Variants in MEGF11 observed in about 807,000 individuals in gnomAD.
MEGF11 encodes multiple EGF like domains 11, also known as multiple epidermal growth factor-like domains protein 11.
MEGF11 carries 126 observed loss-of-function variants against 146.6 expected under a neutral mutation model. That is an observed-to-expected ratio of 0.86 (90% CI 0.74 to 1.00). The LOEUF is 1.00. Ranked by LOEUF, MEGF11 falls within the 50% of genes least tolerant of loss-of-function variation. MEGF11 has a pLI of 0.00. For missense variants in MEGF11, 1,509 were observed against 1,521.2 expected, an observed-to-expected ratio of 0.99 and a Z score of 0.13; for synonymous variants, 532 against 583.4, an observed-to-expected ratio of 0.91 and a Z score of 1.27.
At chr15:65,905,814 T>A (rs957474327) in intron 24 of MEGF11, 2 of 351,058 alleles carry the variant, frequency 5.7e-6, no homozygotes, top group African/African-American at 4.2e-5. Flanking sequence ...CGCTTTACAT[T>A]TCCGAAGACA....
At chr15:66,068,448 A>G (rs2085229986) in intron 5 of MEGF11, among the ~76,000 whole-genome samples, 1 of 152,184 alleles carries the variant, frequency 6.6e-6, no homozygotes, top group African/African-American at 2.4e-5. Context: ...AAATATCTCC[A>G]GACATTGCCA....
chr15:66,058,543 G>C (rs1172394906), intron 5 of MEGF11, among the ~76,000 whole-genome samples: 1 of 152,186 alleles, frequency 6.6e-6, no homozygotes, highest in African/African-American at 2.4e-5. Context: ...CAGTCAGGCA[G>C]AGACAGATCT....
At chr15:65,975,348 G>A (rs923110960) in intron 7 of MEGF11, among the ~76,000 whole-genome samples, 1 of 152,196 alleles carries the variant, frequency 6.6e-6, no homozygotes, top group Non-Finnish European at 1.5e-5. Flanking sequence ...GCTCTCTGAG[G>A]TCAATAGAGA....
chr15:66,133,018 C>A (rs928926979), intron 1 of MEGF11, among the ~76,000 whole-genome samples: 3 of 152,214 alleles, frequency 2.0e-5, no homozygotes, highest in Admixed American at 2.0e-4. Context: ...AACCTCTCAA[C>A]CATCCCAAGC....
At chr15:66,121,554 T>C (rs1429702284) in intron 3 of MEGF11, among the ~76,000 whole-genome samples, 1 of 152,180 alleles carries the variant, frequency 6.6e-6, no homozygotes, top group African/African-American at 2.4e-5. Flanking sequence ...GGAATGGTCC[T>C]GGGCAAGTTA....
At chr15:66,012,304 T>C (rs2082733043) in intron 5 of MEGF11, among the ~76,000 whole-genome samples, 1 of 152,200 alleles carries the variant, frequency 6.6e-6, no homozygotes, top group Non-Finnish European at 1.5e-5. Flanking sequence ...TTGGGTGAAA[T>C]GCTTCTTGAG....
At chr15:65,946,824 G>A (rs2141412426) in intron 10 of MEGF11, among the ~76,000 whole-genome samples, 1 of 152,204 alleles carries the variant, frequency 6.6e-6, no homozygotes, top group South Asian at 2.1e-4. Flanking sequence ...TTAAGCACAA[G>A]ACCCCACCTT....
chr15:65,922,426 G>C lies in MEGF11; in HGVS notation c.1869C>G (p.Pro623=). 1.9e-6 allele frequency: 3 copies of C among 1,590,654 alleles called. No individual in the cohort carries two copies. The highest frequency in any genetic ancestry group is 1.7e-4 in the Middle Eastern group (1 of 6,030). The change falls in exon 15 of 26, where the codon CCC becomes CCG. Residue 623 remains proline, a synonymous_variant. Transcript: ENST00000395614. Reference sequence around the variant, plus strand: ...AGGGCCTGCTGCTGTGCACGCAGAGGGGGCATGGCTGGGCGCAGCCGTGGC... The same window carrying C: ...AGGGCCTGCTGCTGTGCACGCAGAGCGGGCATGGCTGGGCGCAGCCGTGGC... ...FYGHGCAQPC[P]LCVHSSRPCH... is the part of the protein sequence containing the mutation.
chr15:65,994,797 C>T (rs938594688), intron 5 of MEGF11, among the ~76,000 whole-genome samples: 1 of 152,212 alleles, frequency 6.6e-6, no homozygotes, highest in Non-Finnish European at 1.5e-5. Context: ...TTCACACCAC[C>T]ACTGTTTCAG....
At chr15:66,227,942 C>A (rs1027980037) in intron 1 of MEGF11, among the ~76,000 whole-genome samples, 4 of 152,158 alleles carry the variant, frequency 2.6e-5, no homozygotes, top group African/African-American at 7.2e-5. Context: ...TCCAATGACA[C>A]ATGCCAGGGC....
chr15:66,098,621 C>T (rs891068563), intron 4 of MEGF11, among the ~76,000 whole-genome samples: 2 of 152,186 alleles, frequency 1.3e-5, no homozygotes, highest in Non-Finnish European at 2.9e-5. Flanking sequence ...GAGCCACCCC[C>T]GAACCCAGTC....
chr15:65,967,727 A>C (rs1434100687), intron 8 of MEGF11, among the ~76,000 whole-genome samples: 1 of 152,116 alleles, frequency 6.6e-6, no homozygotes, highest in Non-Finnish European at 1.5e-5. Flanking sequence ...GACAAGGAGA[A>C]GAGGACGGTG....
chr15:65,982,231 G>A lies in MEGF11; in HGVS notation c.641+11C>T, dbSNP rs2081668311. On this transcript the variant is annotated intron_variant, in intron 6 of 25. Transcript: ENST00000395614. The surrounding 1 kb of genome is among the most constrained non-coding windows in gnomAD (Gnocchi z 5.6). The stretch of plus-strand genomic sequence containing the variant: ...AGGTCCCGCCCCTCCAGGTCCTGCC[G>A]CATGACTCACTAGACGCCGGTGTAG... 3.1e-6 allele frequency: 4 copies of A among 1,283,988 alleles called. No individual in the cohort carries two copies. The highest frequency in any genetic ancestry group is 5.8e-5 in the East Asian group (1 of 17,210). 79.5% of individuals were successfully genotyped at this position (1,283,988 alleles called of 1,614,324 possible). A position where few individuals can be genotyped will look rare whatever the true frequency, so the allele number is the denominator to read the frequency against.
chr15:65,928,535 G>T lies in MEGF11; in HGVS notation c.1573-8C>A, dbSNP rs373425579. The T allele has an allele frequency of 6.3e-7, 1 of 1,577,214 alleles. No individual in the cohort carries two copies. The highest frequency in any genetic ancestry group is 8.7e-7 in the Non-Finnish European group (1 of 1,155,636). ...CAGCCCAAATGTGCCATCCTGTGGA[G>T]AAGACAGGGAGAGAAAAATGATCAG... On this transcript the variant is annotated splice_region_variant and splice_polypyrimidine_tract_variant and intron_variant, in intron 12 of 25. Coordinates refer to ENST00000395614, the MANE Select transcript of MEGF11 (RefSeq NM_001385028.1).
intron 5 of MEGF11, among the ~76,000 whole-genome samples, chr15:66,028,673 T>C (rs768270225): frequency 6.6e-6 from 1 of 152,218 alleles, no homozygotes; most frequent in South Asian, 2.1e-4. Context: ...AATTGTTAAG[T>C]AAATTATGGT....
chr15:66,146,680 ACTCT>A (rs1045102983), intron 1 of MEGF11, among the ~76,000 whole-genome samples: 2 of 151,578 alleles, frequency 1.3e-5, no homozygotes, highest in African/African-American at 4.9e-5. Flanking sequence ...GTGTCTAAGG[ACTCT>A]CTCTCAATTC....
intron 8 of MEGF11, 86 bp from the exon 9 acceptor site, chr15:65,965,206 C>T (rs1316806430): frequency 8.7e-7 from 1 of 1,149,860 alleles, no homozygotes; most frequent in African/African-American, 1.5e-5. Context: ...GTCCTCCTGG[C>T]CATCTGGCCC....
intron 1 of MEGF11, among the ~76,000 whole-genome samples, chr15:66,231,673 C>T (rs74887961): frequency 0.031 from 4,721 of 152,284 alleles, 228 homozygotes; most frequent in African/African-American, 0.11. Flanking sequence ...TGTGCTCACA[C>T]CAGCTTCTCT....
chr15:66,182,517 A>G (rs2090577381), intron 1 of MEGF11, among the ~76,000 whole-genome samples: 1 of 152,138 alleles, frequency 6.6e-6, no homozygotes, highest in African/African-American at 2.4e-5. Context: ...TTTTAAACAG[A>G]CCTGCAAACT....
Sources: allele counts gnomAD v4.1 joint callset (sites outside exome capture counted in the v4.1 genomes callset), GRCh38; gene constraint gnomAD v4.1.1; non-coding constraint Gnocchi (gnomAD v3.1); transcripts MANE v1.5; gene names NCBI Gene and HGNC (gene_info 2026-07-23, HGNC 2026-07-21).